MMS22L: variants seen among roughly 807,000 people sequenced by gnomAD.
MMS22L encodes the protein MMS22 like, DNA repair protein.
Under a neutral mutation model 159.1 loss-of-function variants are expected in MMS22L, and 74 were observed. The observed-to-expected ratio is 0.47, with a 90% CI of 0.39 to 0.56. The LOEUF (loss-of-function observed/expected upper bound fraction) is 0.56. Ranked by LOEUF, MMS22L falls within the 20% of genes least tolerant of loss-of-function variation. The probability of loss-of-function intolerance (pLI) is 0.00; values close to 1 mark genes in which losing one functional copy is unlikely to be tolerated. For synonymous variants in MMS22L, 517 were observed against 506.9 expected, an observed-to-expected ratio of 1.02 and a Z score of -0.27; for missense variants, 1,351 against 1,422.1, an observed-to-expected ratio of 0.95 and a Z score of 0.80.
chr6:97,260,390 AC>A (rs1404883766), intron 9 of MMS22L: 1 of 151,502 alleles, frequency 6.6e-6, no homozygotes, highest in Non-Finnish European at 1.5e-5. Context: ...GTTGTTTTCA[AC>A]CTTTCTTCTA....
At chr6:97,220,664 C>T (rs13193632) in intron 14 of MMS22L, among the ~76,000 whole-genome samples, 2,359 of 151,134 alleles carry the variant, frequency 0.016, 32 homozygotes, top group Non-Finnish European at 0.023. Context: ...ACACACGCTC[C>T]CCACCTTACC....
At chr6:97,246,535 G>C in intron 11 of MMS22L, 93 bp downstream of exon 11, 1 of 942,508 alleles carries the variant, frequency 1.1e-6, no homozygotes, top group Non-Finnish European at 1.6e-6. Context: ...TTTGTTTTCT[G>C]AATCATTTTA....
At chr6:97,161,882 C>CAT (rs1802477044) in intron 22 of MMS22L, 120 bp downstream of exon 22, 1 of 888,628 alleles carries the variant, frequency 1.1e-6, no homozygotes. Context: ...AACCATGACC[C>CAT]ATATCAAGAG....
chr6:97,176,181 G>A (rs1192293569), intron 18 of MMS22L, among the ~76,000 whole-genome samples: 1 of 152,070 alleles, frequency 6.6e-6, no homozygotes, highest in Non-Finnish European at 1.5e-5. Flanking sequence ...ATGAATACTA[G>A]TATAATCTTG....
intron 14 of MMS22L, among the ~76,000 whole-genome samples, chr6:97,204,868 C>T (rs1807588846): frequency 7.5e-6 from 1 of 133,714 alleles, no homozygotes; most frequent in Admixed American, 7.9e-5. Context: ...CCTTAGAGAA[C>T]ATCTAGCCAG....
Position 97,186,650 on chromosome 6 carries a change from T to C in MMS22L, c.2080A>G (p.Asn694Asp), listed in dbSNP as rs1805270514. 1 of 1,584,660 alleles carries C rather than the reference T, an allele frequency of 6.3e-7. No individual in the cohort carries two copies. The highest frequency in any genetic ancestry group is 8.6e-7 in the Non-Finnish European group (1 of 1,167,178). ...GAAGACTGTACAAATAGGTCCACAT[T>C]GTCCCTTTGAAGTTCCTGACACAAT... Reference protein sequence around the residue: ...QQLCQELQRDNVDLFVQSSLS... With the variant: ...QQLCQELQRDDVDLFVQSSLS... The change falls in exon 15 of 25, where the codon AAT becomes GAT. Residue 694 changes from asparagine to aspartate, a missense_variant. Coordinates refer to ENST00000683635, the MANE Select transcript of MMS22L (RefSeq NM_001350599.2).
chr6:97,247,485 T>C (rs1224903679), intron 10 of MMS22L, among the ~76,000 whole-genome samples: 1 of 152,094 alleles, frequency 6.6e-6, no homozygotes, highest in African/African-American at 2.4e-5. Flanking sequence ...TCCCAGCACT[T>C]TGGGAGGCCA....
At chr6:97,245,710 A>C (rs899811979) in intron 11 of MMS22L, among the ~76,000 whole-genome samples, 3 of 152,152 alleles carry the variant, frequency 2.0e-5, no homozygotes, top group African/African-American at 7.2e-5. Context: ...ATTCTAAGCT[A>C]AAATTTTTAG....
chr6:97,182,017 A>G lies in MMS22L; in HGVS notation c.2271T>C (p.Ala757=), dbSNP rs772630620. 20 of 1,613,666 alleles carry G rather than the reference A, an allele frequency of 1.2e-5. No homozygotes were observed. In the South Asian group the frequency reaches 2.1e-4, roughly 17 times the overall value. ...TLLAMDMPST[A]PSDFQPQPVI... Reference sequence around the variant, plus strand: ...CTGGCTGAGGCTGAAAATCTGATGGAGCTGTGCTTGGCATGTCCATTGCTA... The same window carrying G: ...CTGGCTGAGGCTGAAAATCTGATGGGGCTGTGCTTGGCATGTCCATTGCTA... The change falls in exon 16 of 25, where the codon GCT becomes GCC. Residue 757 remains alanine, a synonymous_variant. Coordinates refer to ENST00000683635, the MANE Select transcript of MMS22L (RefSeq NM_001350599.2).
At chr6:97,240,896 G>C (rs1303111652) in intron 11 of MMS22L, among the ~76,000 whole-genome samples, 2 of 151,732 alleles carry the variant, frequency 1.3e-5, no homozygotes, top group African/African-American at 4.8e-5. Flanking sequence ...CAAAGTGCTG[G>C]GATTACAGGC....
At chr6:97,214,151 C>T (rs559853960) in intron 14 of MMS22L, among the ~76,000 whole-genome samples, 2 of 152,220 alleles carry the variant, frequency 1.3e-5, no homozygotes, top group East Asian at 3.9e-4. Flanking sequence ...AGATCAAAGC[C>T]TCATTTACAC....
chr6:97,262,151 T>C (rs1299811837), intron 9 of MMS22L, among the ~76,000 whole-genome samples: 1 of 152,208 alleles, frequency 6.6e-6, no homozygotes, highest in East Asian at 1.9e-4. Flanking sequence ...CTCTGAACTT[T>C]ATCTTCTATT....
chr6:97,160,332 T>C (rs954611425), intron 22 of MMS22L, among the ~76,000 whole-genome samples: 1 of 152,026 alleles, frequency 6.6e-6, no homozygotes, highest in African/African-American at 2.4e-5. Context: ...TTTGAGAAGG[T>C]CTGTTTCATC....
intron 22 of MMS22L, among the ~76,000 whole-genome samples, chr6:97,158,405 G>C (rs749535672): frequency 5.3e-5 from 8 of 152,000 alleles, no homozygotes; most frequent in South Asian, 2.1e-4. Flanking sequence ...TGTGATGTTA[G>C]GGTGTCAATT....
rs748704721 is a variant in MMS22L, at chr6:97,145,508, T to C, written c.*1298A>G. The C allele has an allele frequency of 1.3e-5, 2 of 152,096 alleles. No homozygotes were observed. The highest frequency in any genetic ancestry group is 6.5e-5 in the Admixed American group (1 of 15,270). The allele number at this position is 152,096 out of a possible 1,614,324, so 9.4% of individuals were successfully genotyped here. On this transcript the variant is annotated 3_prime_UTR_variant, in exon 25 of 25. Coordinates refer to ENST00000683635, the MANE Select transcript of MMS22L (RefSeq NM_001350599.2). ...TTAGAAAACATGATGTAAGAAAACA[T>C]TGGAAAGTGGGATCATTCATCTGGG...
At chr6:97,270,421 G>A in intron 6 of MMS22L, 1 of 355,514 alleles carries the variant, frequency 2.8e-6, no homozygotes, top group Non-Finnish European at 5.4e-6. Context: ...AGACTGTCAT[G>A]TAGACATTAT....
chr6:97,181,820 C>A, intron 16 of MMS22L, 84 bp downstream of exon 16: 1 of 1,444,480 alleles, frequency 6.9e-7, no homozygotes. Context: ...GATCAGTCCT[C>A]ATTTGTGAAA....
At chr6:97,173,482 C>A (rs1803775298) in intron 18 of MMS22L, among the ~76,000 whole-genome samples, 1 of 151,952 alleles carries the variant, frequency 6.6e-6, no homozygotes, top group Non-Finnish European at 1.5e-5. Context: ...GAAGGGCCGA[C>A]TTAGCAAAAT....
intron 6 of MMS22L, chr6:97,272,214 A>G (rs2128092765): frequency 6.6e-6 from 1 of 152,474 alleles, no homozygotes; most frequent in East Asian, 1.9e-4. Flanking sequence ...AGGTAGGAAA[A>G]AAAGGGCACA....
Sources: allele counts gnomAD v4.1 joint callset (sites outside exome capture counted in the v4.1 genomes callset), GRCh38; gene constraint gnomAD v4.1.1; transcripts MANE v1.5; gene names NCBI Gene and HGNC (gene_info 2026-07-23, HGNC 2026-07-21).